ADGRL2: variants seen among roughly 807,000 people sequenced by gnomAD.
The protein encoded by ADGRL2 is calcium-independent alpha-latrotoxin receptor 2.
In ADGRL2, 44 loss-of-function variants were observed where a neutral mutation model predicts 157.4. The ratio of observed to expected loss-of-function variants is 0.28; its 90% CI spans 0.22 to 0.36. The LOEUF (loss-of-function observed/expected upper bound fraction) is 0.36. Among genes scored for constraint, ADGRL2 ranks in the 10% least tolerant of loss-of-function variants. The probability of loss-of-function intolerance (pLI) is 1.00; values close to 1 mark genes in which losing one functional copy is unlikely to be tolerated. For missense variants in ADGRL2, 1,510 were observed against 1,768.9 expected, an observed-to-expected ratio of 0.85 and a Z score of 2.63; for synonymous variants, 585 against 624.7, an observed-to-expected ratio of 0.94 and a Z score of 0.95.
At chr1:81,942,434 T>TCC (rs1431080940) in intron 5 of ADGRL2, among the ~76,000 whole-genome samples, 6 of 151,874 alleles carry the variant, frequency 4.0e-5, no homozygotes, top group Non-Finnish European at 8.8e-5. Flanking sequence ...TTTTCTGTGC[T>TCC]CCTAATTGCA....
intron 1 of ADGRL2, among the ~76,000 whole-genome samples, chr1:81,824,412 C>A (rs902417921): frequency 8.6e-5 from 13 of 151,842 alleles, no homozygotes; most frequent in African/African-American, 3.1e-4. Context: ...GAAGCTGGAA[C>A]TACAGGCACA....
chr1:81,467,310 A>G (rs556196447), intron 2 of ADGRL2, among the ~76,000 whole-genome samples: 7 of 152,298 alleles, frequency 4.6e-5, no homozygotes, highest in African/African-American at 1.7e-4. Context: ...CAAAAATAAG[A>G]AGCAGCTAAA....
chr1:81,692,024 T>A (rs1191156089), intron 3 of ADGRL2, among the ~76,000 whole-genome samples: 3 of 150,804 alleles, frequency 2.0e-5, no homozygotes, highest in Non-Finnish European at 2.9e-5. Flanking sequence ...ACAGTATATA[T>A]GATATATATA....
chr1:81,358,851 A>ACTGAT (rs1254984442), intron 1 of ADGRL2, among the ~76,000 whole-genome samples: 1 of 152,128 alleles, frequency 6.6e-6, no homozygotes, highest in African/African-American at 2.4e-5. Context: ...TCAGTTCTAT[A>ACTGAT]CAGAAGAATT....
chr1:81,324,497 A>T (rs944745585), intron 1 of ADGRL2, among the ~76,000 whole-genome samples: 1 of 150,422 alleles, frequency 6.6e-6, no homozygotes, highest in African/African-American at 2.4e-5. Context: ...TGACAGAATG[A>T]GACCCTGTCT....
chr1:81,802,744 G>A (rs2149497724), intron 1 of ADGRL2, among the ~76,000 whole-genome samples: 1 of 152,288 alleles, frequency 6.6e-6, no homozygotes, highest in Non-Finnish European at 1.5e-5. Context: ...ACTGTAAGTG[G>A]AGCGGGGAGG....
chr1:81,487,532 C>A (rs1312345313), intron 2 of ADGRL2, among the ~76,000 whole-genome samples: 1 of 151,952 alleles, frequency 6.6e-6, no homozygotes, highest in East Asian at 1.9e-4. Flanking sequence ...ATAATCCCAG[C>A]TACTCAGGAG....
At chr1:81,557,032 A>AAAAAG (rs2080298173) in intron 2 of ADGRL2, 1 of 178,728 alleles carries the variant, frequency 5.6e-6, no homozygotes, top group Non-Finnish European at 1.2e-5. Flanking sequence ...AAAAAAAAAA[A>AAAAAG]AAAGAAAGAA....
At chr1:81,760,647 C>T (rs2149304493) in intron 1 of ADGRL2, among the ~76,000 whole-genome samples, 1 of 151,898 alleles carries the variant, frequency 6.6e-6, no homozygotes, top group Admixed American at 6.5e-5. Flanking sequence ...AAAGCCAAAG[C>T]TGCCACATTT....
At chr1:81,854,154 C>A (rs1270634550) in intron 2 of ADGRL2, among the ~76,000 whole-genome samples, 1 of 152,086 alleles carries the variant, frequency 6.6e-6, no homozygotes, top group Non-Finnish European at 1.5e-5. Context: ...GCCAAGTGCT[C>A]AAAATGAAGA....
chr1:81,780,257 A>T (rs754913153), intron 2 of ADGRL2, among the ~76,000 whole-genome samples: 48 of 152,282 alleles, frequency 3.2e-4, no homozygotes, highest in Non-Finnish European at 5.4e-4. Context: ...TGTTTATATG[A>T]CCAAATTCTA....
At chr1:81,348,683 G>T (rs1662657828) in intron 1 of ADGRL2, among the ~76,000 whole-genome samples, 1 of 152,012 alleles carries the variant, frequency 6.6e-6, no homozygotes, top group Non-Finnish European at 1.5e-5. Flanking sequence ...ACAATGAATA[G>T]GTTTCAAAGA....
intron 2 of ADGRL2, among the ~76,000 whole-genome samples, chr1:81,576,644 C>T (rs2080803383): frequency 6.6e-6 from 1 of 152,090 alleles, no homozygotes; most frequent in African/African-American, 2.4e-5. Context: ...ACCCACATTT[C>T]AGGTTTCTCT....
intron 1 of ADGRL2, among the ~76,000 whole-genome samples, chr1:81,810,207 G>C (rs1243348709): frequency 6.6e-6 from 1 of 151,900 alleles, no homozygotes; most frequent in East Asian, 1.9e-4. Flanking sequence ...TACTATGACA[G>C]CAGTTCTCCA....
chr1:81,883,935 A>G (rs2094055071), intron 2 of ADGRL2, among the ~76,000 whole-genome samples: 1 of 151,950 alleles, frequency 6.6e-6, no homozygotes, highest in Admixed American at 6.6e-5. Context: ...AGCTTTTTGT[A>G]TACTCAAGTG....
chr1:81,662,144 G>A (rs1176616981), intron 3 of ADGRL2, among the ~76,000 whole-genome samples: 1 of 151,630 alleles, frequency 6.6e-6, no homozygotes, highest in East Asian at 1.9e-4. Context: ...TATCCTTCGA[G>A]TTACAAACAA....
At chr1:81,851,580 C>T (rs1219187996) in intron 2 of ADGRL2, among the ~76,000 whole-genome samples, 3 of 151,792 alleles carry the variant, frequency 2.0e-5, no homozygotes, top group Non-Finnish European at 4.4e-5. Context: ...TAGATTTATA[C>T]ATCACACCTG....
chr1:81,661,405 A>C (rs899771407), intron 3 of ADGRL2, among the ~76,000 whole-genome samples: 1 of 152,196 alleles, frequency 6.6e-6, no homozygotes, highest in Non-Finnish European at 1.5e-5. Context: ...TAGTGTAACA[A>C]TTTTAGATTA....
At chr1:81,461,717 A>T (rs1266399984) in intron 2 of ADGRL2, among the ~76,000 whole-genome samples, 1 of 152,162 alleles carries the variant, frequency 6.6e-6, no homozygotes, top group Non-Finnish European at 1.5e-5. Context: ...CTTTCTGATC[A>T]CTCTGAAGCA....
Sources: allele counts gnomAD v4.1 joint callset (sites outside exome capture counted in the v4.1 genomes callset), GRCh38; gene constraint gnomAD v4.1.1; transcripts MANE v1.5; gene names NCBI Gene and HGNC (gene_info 2026-07-23, HGNC 2026-07-21).